Variants in FHIT observed in about 807,000 individuals in gnomAD.
FHIT encodes bis(5'-adenosyl)-triphosphatase.
In FHIT, 19 loss-of-function variants were observed where a neutral mutation model predicts 17.9. The observed-to-expected ratio is 1.06, with a 90% CI of 0.74 to 1.56. FHIT has a LOEUF of 1.56. FHIT is among the 40% of genes most tolerant of loss of function. The pLI, the probability that FHIT is intolerant of heterozygous loss-of-function variation, is 0.00. For synonymous variants in FHIT, 81 were observed against 69.7 expected (o/e 1.16, Z -0.81); for missense variants, 248 against 189.2 (o/e 1.31, Z -1.82).
chr3:61,123,077 C>A (rs1332801750), intron 2 of FHIT, among the ~76,000 whole-genome samples: 1 of 151,920 alleles, frequency 6.6e-6, no homozygotes, highest in Non-Finnish European at 1.5e-5. Context: ...CAGCTGTTCA[C>A]AATAGCAAGA....
intron 5 of FHIT, among the ~76,000 whole-genome samples, chr3:60,082,498 G>C (rs540039998): frequency 6.6e-6 from 1 of 152,140 alleles, no homozygotes; most frequent in South Asian, 2.1e-4. Flanking sequence ...TCCAGTAATG[G>C]AATTACTGGG....
intron 1 of FHIT, among the ~76,000 whole-genome samples, chr3:61,238,154 A>G (rs2040279204): frequency 2.0e-5 from 3 of 152,186 alleles, no homozygotes; most frequent in Admixed American, 6.5e-5. Flanking sequence ...TATTAACACA[A>G]TAAACAAAGC....
At chr3:59,902,305 T>C (rs538574931) in intron 8 of FHIT, among the ~76,000 whole-genome samples, 158 of 152,152 alleles carry the variant, frequency 1.0e-3, no homozygotes, top group African/African-American at 3.6e-3. Flanking sequence ...AGATAACAAG[T>C]ATTGCTGAGG....
chr3:61,216,661 T>C (rs940787020), intron 1 of FHIT, among the ~76,000 whole-genome samples: 9 of 152,214 alleles, frequency 5.9e-5, no homozygotes, highest in Non-Finnish European at 1.5e-5. Flanking sequence ...CCCAAAGGAC[T>C]ATAAATCATG....
Position 60,027,136 on chromosome 3 carries a change from C to CAG in FHIT, c.104-12985_104-12984insCT, listed in dbSNP as rs1404321876. 1.2e-4 allele frequency among the ~76,000 whole-genome samples: 14 copies of CAG among 118,586 alleles called. 1 individual carries two copies. The highest frequency in any genetic ancestry group is 5.4e-4 in the African/African-American group (14 of 25,990). The allele number at this position is 118,586 out of a possible 152,430, so 77.8% of individuals were successfully genotyped here. The stretch of plus-strand genomic sequence containing the variant: ...ACACACACACACACACACACACACA[C>CAG]ACACACACACACAAAATTAGTAAAC... On this transcript the variant is annotated intron_variant, in intron 5 of 9. Transcript: ENST00000492590.
intron 8 of FHIT, among the ~76,000 whole-genome samples, chr3:59,824,957 T>C (rs895234389): frequency 2.1e-4 from 32 of 152,360 alleles, no homozygotes; most frequent in African/African-American, 6.5e-4. Context: ...CGAGCTTTGC[T>C]GTTAGGATTC....
chr3:59,934,662 G>A (rs1036508166), intron 7 of FHIT, among the ~76,000 whole-genome samples: 1 of 152,074 alleles, frequency 6.6e-6, no homozygotes, highest in African/African-American at 2.4e-5. Context: ...ACCTGGCTAG[G>A]GAGGCCTCAG....
At position 60,842,641 on chromosome 3, in the gene FHIT, ATATATTTTTTTT is replaced by A. The variant is rs1702773973; in HGVS notation, c.-110-20642_-110-20631del. ...TATATATATGAGTGTATATATATAT[ATATATTTTTTTT>A]TTTTTTTTTTTCCCTTGCTAGGCAA... On this transcript the variant is annotated intron_variant, in intron 3 of 9. Coordinates refer to ENST00000492590, the MANE Select transcript of FHIT (RefSeq NM_002012.4). Among the ~76,000 whole-genome samples the A allele has an allele frequency of 5.9e-3, 279 of 47,182 alleles. 3 individuals carry two copies. Among genetic ancestry groups the A allele is most frequent in the Non-Finnish European group, 8.3e-3 (172 of 20,642 alleles). The allele number at this position is 47,182 out of a possible 152,430, so 31.0% of individuals were successfully genotyped here.
intron 5 of FHIT, among the ~76,000 whole-genome samples, chr3:60,031,815 A>G (rs1054388687): frequency 4.6e-5 from 7 of 152,204 alleles, no homozygotes; most frequent in African/African-American, 1.4e-4. Flanking sequence ...ACACATGAAC[A>G]TGAATGAAAA....
chr3:59,902,090 A>C lies in FHIT; in HGVS notation c.348+20256T>G, dbSNP rs372874760. 1.5e-3 allele frequency among the ~76,000 whole-genome samples: 233 copies of C among 152,306 alleles called. 1 individual carries two copies. Among genetic ancestry groups the C allele is most frequent in the African/African-American group, 5.1e-3 (212 of 41,584 alleles). ...CCAAAATACATAAGAAACCCATTCA[A>C]CTCAATAGTACCCTCCCCTGTAAAA... is the stretch of plus-strand genomic sequence containing the variant. On this transcript the variant is annotated intron_variant, in intron 8 of 9. Transcript: ENST00000492590.
At chr3:60,472,804 C>T (rs1244073455) in intron 5 of FHIT, among the ~76,000 whole-genome samples, 3 of 152,074 alleles carry the variant, frequency 2.0e-5, no homozygotes, top group African/African-American at 7.2e-5. Flanking sequence ...CCCAAAGCCC[C>T]CAATCCCAAA....
chr3:60,776,038 C>A (rs1553724371), intron 4 of FHIT, among the ~76,000 whole-genome samples: 1 of 151,496 alleles, frequency 6.6e-6, no homozygotes, highest in African/African-American at 2.4e-5. Flanking sequence ...ATTTTTTTTT[C>A]TTTTAGAAGA....
At chr3:60,546,127 T>C (rs577161699) in intron 4 of FHIT, among the ~76,000 whole-genome samples, 4 of 152,294 alleles carry the variant, frequency 2.6e-5, no homozygotes, top group Non-Finnish European at 5.9e-5. Context: ...TACTATAGCA[T>C]CTTGTTTTCT....
chr3:60,619,952 A>T (rs180762188), intron 4 of FHIT, among the ~76,000 whole-genome samples: 41 of 152,274 alleles, frequency 2.7e-4, no homozygotes, highest in East Asian at 2.3e-3. Context: ...TATTTTTTTT[A>T]AAGTCTTAAA....
intron 5 of FHIT, among the ~76,000 whole-genome samples, chr3:60,043,377 G>A (rs3856664): frequency 0.36 from 54,331 of 151,798 alleles, 10,692 homozygotes; most frequent in Middle Eastern, 0.55. Context: ...TATTTTCTAC[G>A]AACTGTACTT....
At chr3:60,184,581 C>T (rs1702082563) in intron 5 of FHIT, among the ~76,000 whole-genome samples, 2 of 152,134 alleles carry the variant, frequency 1.3e-5, no homozygotes, top group Admixed American at 1.3e-4. Context: ...TGACTTATCA[C>T]CGATGATGTT....
chr3:60,918,219 G>A (rs1707103899), intron 3 of FHIT, among the ~76,000 whole-genome samples: 1 of 152,192 alleles, frequency 6.6e-6, no homozygotes. Context: ...GTGAAACTGT[G>A]AGTCCATTAA....
chr3:60,599,494 A>G lies in FHIT; in HGVS notation c.-17-62515T>C, dbSNP rs527303098. ...TTGTTACCAAATCAATGTTTTCTAT[A>G]TTTCCTAAGGTGACTATTAAGTCGG... On this transcript the variant is annotated intron_variant, in intron 4 of 9. Coordinates refer to ENST00000492590, the MANE Select transcript of FHIT (RefSeq NM_002012.4). 6.1e-4 allele frequency among the ~76,000 whole-genome samples: 93 copies of G among 152,234 alleles called. 1 individual carries two copies. Among genetic ancestry groups the G allele is most frequent in the African/African-American group, 2.2e-3 (90 of 41,556 alleles).
At chr3:60,302,043 A>C (rs1176959038) in intron 5 of FHIT, among the ~76,000 whole-genome samples, 1 of 152,154 alleles carries the variant, frequency 6.6e-6, no homozygotes, top group South Asian at 2.1e-4. Context: ...TGTCAGACTA[A>C]TATTTTTGCC....
Sources: gnomAD v4.1 joint callset for allele counts (sites outside exome capture counted in the v4.1 genomes callset) on GRCh38, gnomAD v4.1.1 for gene constraint, MANE v1.5 for transcripts, NCBI Gene and HGNC (gene_info 2026-07-23, HGNC 2026-07-21) for gene names.